The following ATP6V1C2 variants were observed in gnomAD, a reference collection of about 807,000 sequenced individuals.
ATP6V1C2 encodes the protein ATPase H+ transporting V1 subunit C2, also known as V-type proton ATPase subunit C 2.
ATP6V1C2 carries 45 observed loss-of-function variants against 56.8 expected under a neutral mutation model. The observed-to-expected ratio is 0.79, with a 90% CI of 0.62 to 1.02. The LOEUF (loss-of-function observed/expected upper bound fraction) is 1.02. ATP6V1C2 is among the 50% of genes least tolerant of loss of function. ATP6V1C2 has a pLI of 0.00. For synonymous variants in ATP6V1C2, 220 were observed against 201.3 expected (o/e 1.09, Z -0.79); for missense variants, 463 against 519.7 (o/e 0.89, Z 1.06).
chr2:10,741,519 C>T (rs1425553101), intron 3 of ATP6V1C2, among the ~76,000 whole-genome samples: 1 of 152,048 alleles, frequency 6.6e-6, no homozygotes, highest in African/African-American at 2.4e-5. Flanking sequence ...GAGGCTAGGG[C>T]AGGTGGCCCC....
At chr2:10,728,293 A>G (rs1409385384) in intron 3 of ATP6V1C2, among the ~76,000 whole-genome samples, 3 of 152,172 alleles carry the variant, frequency 2.0e-5, no homozygotes, top group Non-Finnish European at 4.4e-5. Context: ...TGTGTTTCCC[A>G]GGCTGGCCTT....
rs917573193 is a variant in ATP6V1C2 at position 10,785,007 on chromosome 2, G to A, written c.*1744G>A. Reference sequence around the variant, plus strand: ...AGCCCCGCCTCCTACAGGTGCCGTGGAGCCACGCCCAAAAGAGAGCTCCCT... The same window carrying A: ...AGCCCCGCCTCCTACAGGTGCCGTGAAGCCACGCCCAAAAGAGAGCTCCCT... On this transcript the variant is annotated 3_prime_UTR_variant, in exon 14 of 14. Coordinates refer to ENST00000272238, the MANE Select transcript of ATP6V1C2 (RefSeq NM_001039362.2). 4 of 1,582,846 alleles carry A rather than the reference G, an allele frequency of 2.5e-6. No homozygotes were observed. Among genetic ancestry groups the A allele is most frequent in the Admixed American group, 1.8e-5 (1 of 56,310 alleles).
At chr2:10,750,778 C>T (rs1445350914) in intron 3 of ATP6V1C2, among the ~76,000 whole-genome samples, 1 of 152,182 alleles carries the variant, frequency 6.6e-6, no homozygotes, top group South Asian at 2.1e-4. Context: ...TGATAGGAGA[C>T]AGCAACTCCC....
chr2:10,748,884 C>A (rs183062071), intron 3 of ATP6V1C2, among the ~76,000 whole-genome samples: 1 of 152,068 alleles, frequency 6.6e-6, no homozygotes. Context: ...AATCCCAGCA[C>A]TTTGGGCGGC....
chr2:10,766,573 AT>A (rs201260928), intron 5 of ATP6V1C2, among the ~76,000 whole-genome samples: 3 of 151,866 alleles, frequency 2.0e-5, no homozygotes, highest in Non-Finnish European at 4.4e-5. Flanking sequence ...GACAAGCAGT[AT>A]TTTTTTTCGT....
At chr2:10,768,307 C>T (rs1022093514) in intron 5 of ATP6V1C2, 17 of 188,532 alleles carry the variant, frequency 9.0e-5, no homozygotes, top group Non-Finnish European at 1.4e-4. Flanking sequence ...CCCTGCCAAC[C>T]CATGAGAGGG....
rs1044801849 is a variant in ATP6V1C2 at position 10,729,546 on chromosome 2, G to T, written c.197+2977G>T. ...TTCTCAACATATAAATATAATTTCT[G>T]GATAACGTAGTAATAGAAGTAAGAT... On this transcript the variant is annotated intron_variant, in intron 3 of 13. Coordinates refer to ENST00000272238, the MANE Select transcript of ATP6V1C2 (RefSeq NM_001039362.2). Among the ~76,000 whole-genome samples, 13 of 152,230 alleles carry T rather than the reference G, an allele frequency of 8.5e-5. 1 individual carries two copies. The highest frequency in any genetic ancestry group is 8.5e-4 in the Admixed American group (13 of 15,288).
At chr2:10,746,486 CA>C (rs1662924077) in intron 3 of ATP6V1C2, among the ~76,000 whole-genome samples, 1 of 151,104 alleles carries the variant, frequency 6.6e-6, no homozygotes, top group African/African-American at 2.4e-5. Context: ...AATCTCAGTC[CA>C]CTGCAACCTC....
At position 10,775,053 on chromosome 2, in the gene ATP6V1C2, T is replaced by A. The variant is rs751391835; in HGVS notation, c.807T>A (p.Ser269=). 5.6e-6 allele frequency: 9 copies of A among 1,613,808 alleles called. No individual in the cohort carries two copies. The Admixed American group carries it at 1.5e-4, about 27-fold the overall frequency. The change falls in exon 10 of 14, where the codon TCT becomes TCA. Residue 269 remains serine (S), a synonymous_variant. Coordinates refer to ENST00000272238, the MANE Select transcript of ATP6V1C2 (RefSeq NM_001039362.2). ...GGGAGGAGATGGCCAGATTGCTGTC[T>A]GATAAGAAGCAACAGTATGTGAGTA... ...REREEMARLL[S]DKKQQYQTSC...
intron 3 of ATP6V1C2, among the ~76,000 whole-genome samples, chr2:10,741,788 C>G (rs905259335): frequency 9.9e-5 from 15 of 152,082 alleles, no homozygotes; most frequent in African/African-American, 3.6e-4. Flanking sequence ...TAGTGGTTTT[C>G]TGGGGGCAAA....
At chr2:10,740,413 A>G (rs1465996135) in intron 3 of ATP6V1C2, among the ~76,000 whole-genome samples, 1 of 152,152 alleles carries the variant, frequency 6.6e-6, no homozygotes, top group Non-Finnish European at 1.5e-5. Context: ...TGCAGGTTGC[A>G]CAACTCCAGG....
At chr2:10,723,837 CAA>C (rs145669254) in intron 2 of ATP6V1C2, among the ~76,000 whole-genome samples, 6 of 122,932 alleles carry the variant, frequency 4.9e-5, no homozygotes, top group Admixed American at 8.2e-5. Context: ...GACTCTGTCT[CAA>C]AAAAAAAAAA....
intron 3 of ATP6V1C2, among the ~76,000 whole-genome samples, chr2:10,752,145 T>C (rs1457031837): frequency 1.3e-5 from 2 of 152,188 alleles, no homozygotes; most frequent in East Asian, 3.8e-4. Context: ...TGCCAGAATA[T>C]GAAATGTGTT....
chr2:10,736,138 T>G (rs1164003286), intron 3 of ATP6V1C2, among the ~76,000 whole-genome samples: 2 of 151,644 alleles, frequency 1.3e-5, no homozygotes, highest in Non-Finnish European at 2.9e-5. Flanking sequence ...GAGGTCTGAG[T>G]TGGGGCCTGA....
At chr2:10,766,280 C>T (rs1664214721) in intron 5 of ATP6V1C2, among the ~76,000 whole-genome samples, 1 of 152,174 alleles carries the variant, frequency 6.6e-6, no homozygotes. Context: ...CACAGTGTGA[C>T]ACCCCCCGCC....
chr2:10,767,031 A>T (rs1302743460), intron 5 of ATP6V1C2, among the ~76,000 whole-genome samples: 3 of 152,262 alleles, frequency 2.0e-5, no homozygotes, highest in South Asian at 2.1e-4. Flanking sequence ...TAAAAGTTTT[A>T]AAAAAATTAT....
At chr2:10,776,311 G>A (rs1664980144) in intron 10 of ATP6V1C2, among the ~76,000 whole-genome samples, 1 of 149,756 alleles carries the variant, frequency 6.7e-6, no homozygotes, top group Non-Finnish European at 1.5e-5. Flanking sequence ...GAGTGTGTGT[G>A]TGGACCTGTG....
chr2:10,767,036 AATT>A (rs1215127256), intron 5 of ATP6V1C2, among the ~76,000 whole-genome samples: 1 of 152,178 alleles, frequency 6.6e-6, no homozygotes, highest in African/African-American at 2.4e-5. Context: ...GTTTTAAAAA[AATT>A]ATTATAAAAA....
At position 10,763,344 on chromosome 2, in the gene ATP6V1C2, C is replaced by G. The variant is rs993544006; in HGVS notation, c.284-987C>G. The stretch of plus-strand genomic sequence containing the variant: ...CACGATCCTCCCTAGGAGGAGCCGG[C>G]GCCAGCTCTTTGTCCTCCCTTAGCA... On this transcript the variant is annotated intron_variant, in intron 4 of 13. Transcript: ENST00000272238. The surrounding 1 kb of genome is among the most constrained non-coding windows in gnomAD (Gnocchi z 4.2). 6.6e-6 allele frequency among the ~76,000 whole-genome samples: 1 copy of G among 152,236 alleles called. No individual in the cohort carries two copies. The highest frequency in any genetic ancestry group is 6.5e-5 in the Admixed American group (1 of 15,300).
Sources: gnomAD v4.1 joint callset for allele counts (sites outside exome capture counted in the v4.1 genomes callset) on GRCh38, gnomAD v4.1.1 for gene constraint, Gnocchi (gnomAD v3.1) non-coding constraint, MANE v1.5 for transcripts, NCBI Gene and HGNC (gene_info 2026-07-23, HGNC 2026-07-21) for gene names.